The following MLLT3 variants were observed in gnomAD, a reference collection of about 807,000 sequenced individuals.
The protein encoded by MLLT3 is protein AF-9.
In MLLT3, 4 loss-of-function variants were observed where a neutral mutation model predicts 53.2. The ratio of observed to expected loss-of-function variants is 0.08; its 90% CI spans 0.04 to 0.17. MLLT3 has a LOEUF of 0.17. Ranked by LOEUF, MLLT3 falls within the 10% of genes least tolerant of loss-of-function variation. The pLI is 1.00. For missense variants in MLLT3, 569 were observed against 684.0 expected, an observed-to-expected ratio of 0.83 and a Z score of 1.87; for synonymous variants, 283 against 230.6, an observed-to-expected ratio of 1.23 and a Z score of -2.06.
chr9:20,576,399 G>T (rs1425931162), intron 2 of MLLT3, among the ~76,000 whole-genome samples: 1 of 152,174 alleles, frequency 6.6e-6, no homozygotes, highest in Non-Finnish European at 1.5e-5. Flanking sequence ...ACTTGGCTAA[G>T]TGTTTGGCAC....
At chr9:20,414,767 A>G (rs1360205579) in intron 4 of MLLT3, among the ~76,000 whole-genome samples, 3 of 152,192 alleles carry the variant, frequency 2.0e-5, no homozygotes, top group African/African-American at 4.8e-5. Flanking sequence ...CTTAATAACT[A>G]TGACGTATCT....
intron 2 of MLLT3, among the ~76,000 whole-genome samples, chr9:20,596,582 T>C (rs1429341020): frequency 2.0e-5 from 3 of 152,154 alleles, no homozygotes; most frequent in Non-Finnish European, 4.4e-5. Flanking sequence ...TCCCAGTTAC[T>C]TGAGAGGCTG....
intron 2 of MLLT3, among the ~76,000 whole-genome samples, chr9:20,584,808 A>G (rs1227753493): frequency 1.3e-5 from 2 of 152,208 alleles, no homozygotes; most frequent in Non-Finnish European, 2.9e-5. Context: ...CTGCATCAGC[A>G]TTTAAGGTTC....
chr9:20,377,244 T>C (rs752798480), intron 5 of MLLT3, among the ~76,000 whole-genome samples: 5 of 152,192 alleles, frequency 3.3e-5, no homozygotes, highest in African/African-American at 4.8e-5. Context: ...CTTGAGATTA[T>C]TGTCAGAACT....
chr9:20,586,934 C>T (rs963770653), intron 2 of MLLT3, among the ~76,000 whole-genome samples: 2 of 151,644 alleles, frequency 1.3e-5, no homozygotes, highest in African/African-American at 2.4e-5. Flanking sequence ...TGAAATGAAA[C>T]CTCAATCTGT....
chr9:20,474,771 A>G (rs1824480129), intron 2 of MLLT3, among the ~76,000 whole-genome samples: 1 of 152,124 alleles, frequency 6.6e-6, no homozygotes, highest in Non-Finnish European at 1.5e-5. Context: ...GGTTTTGAAG[A>G]CAGCATCCAC....
intron 2 of MLLT3, among the ~76,000 whole-genome samples, chr9:20,516,962 A>C (rs1256016377): frequency 6.6e-6 from 1 of 152,240 alleles, no homozygotes; most frequent in Non-Finnish European, 1.5e-5. Flanking sequence ...ACTGCTATGC[A>C]GTTTAAGGAT....
intron 2 of MLLT3, among the ~76,000 whole-genome samples, chr9:20,573,829 A>G (rs1438222008): frequency 1.3e-5 from 2 of 152,212 alleles, no homozygotes; most frequent in African/African-American, 4.8e-5. Context: ...TTTAATCCTC[A>G]TCAAAACCCA....
intron 2 of MLLT3, among the ~76,000 whole-genome samples, chr9:20,507,544 C>G (rs1245625163): frequency 6.6e-6 from 1 of 151,992 alleles, no homozygotes; most frequent in Non-Finnish European, 1.5e-5. Context: ...CCTTTCTTCC[C>G]AAATCTTTGG....
At chr9:20,489,736 A>G (rs1271860508) in intron 2 of MLLT3, among the ~76,000 whole-genome samples, 2 of 152,198 alleles carry the variant, frequency 1.3e-5, no homozygotes, top group African/African-American at 4.8e-5. Flanking sequence ...TGCTCCAATG[A>G]CAGTAAGTCT....
chr9:20,612,889 G>A (rs986401996), intron 2 of MLLT3, among the ~76,000 whole-genome samples: 5 of 152,102 alleles, frequency 3.3e-5, no homozygotes, highest in Non-Finnish European at 5.9e-5. Context: ...ACAGCAGCTA[G>A]TACAAATGAA....
intron 4 of MLLT3, among the ~76,000 whole-genome samples, chr9:20,441,799 T>A (rs1238708941): frequency 6.6e-6 from 1 of 152,180 alleles, no homozygotes; most frequent in African/African-American, 2.4e-5. Context: ...CTGTATTATT[T>A]TCTTTGAGTC....
At chr9:20,442,397 A>G (rs1473163659) in intron 4 of MLLT3, among the ~76,000 whole-genome samples, 4 of 152,204 alleles carry the variant, frequency 2.6e-5, no homozygotes, top group Non-Finnish European at 5.9e-5. Context: ...ATGTGCACAA[A>G]GAACTATGTA....
At chr9:20,555,973 A>G (rs1441250804) in intron 2 of MLLT3, among the ~76,000 whole-genome samples, 1 of 152,224 alleles carries the variant, frequency 6.6e-6, no homozygotes, top group Non-Finnish European at 1.5e-5. Flanking sequence ...AAAACTCCAA[A>G]CAATTGACTG....
chr9:20,408,590 G>A (rs1342945404), intron 5 of MLLT3, among the ~76,000 whole-genome samples: 1 of 152,134 alleles, frequency 6.6e-6, no homozygotes, highest in Admixed American at 6.5e-5. Flanking sequence ...CTGCCCCCTG[G>A]AGAGCCAGGG....
At chr9:20,471,719 T>C (rs895330498) in intron 2 of MLLT3, among the ~76,000 whole-genome samples, 10 of 152,090 alleles carry the variant, frequency 6.6e-5, no homozygotes, top group African/African-American at 2.2e-4. Flanking sequence ...TTACGCTTAC[T>C]TCCACTAAAT....
intron 2 of MLLT3, among the ~76,000 whole-genome samples, chr9:20,516,083 C>A (rs570178437): frequency 2.0e-5 from 3 of 152,280 alleles, no homozygotes; most frequent in African/African-American, 7.2e-5. Flanking sequence ...CAGCCATAAA[C>A]CCCAGACCCA....
chr9:20,505,688 A>T (rs906041653), intron 2 of MLLT3, among the ~76,000 whole-genome samples: 1 of 152,204 alleles, frequency 6.6e-6, no homozygotes, highest in Non-Finnish European at 1.5e-5. Context: ...GACTATCGTG[A>T]CACACATTTG....
At chr9:20,367,541 G>A (rs534080818) in intron 5 of MLLT3, among the ~76,000 whole-genome samples, 2 of 152,240 alleles carry the variant, frequency 1.3e-5, no homozygotes, top group African/African-American at 4.8e-5. Context: ...GGTAAAGACA[G>A]GCAATGCACA....
Sources: allele counts gnomAD v4.1 joint callset (sites outside exome capture counted in the v4.1 genomes callset), GRCh38; gene constraint gnomAD v4.1.1; transcripts MANE v1.5; gene names NCBI Gene and HGNC (gene_info 2026-07-23, HGNC 2026-07-21).